TPRA1: variants seen among roughly 807,000 people sequenced by gnomAD.
TPRA1 encodes the protein transmembrane protein adipocyte-associated 1.
Under a neutral mutation model 40.1 loss-of-function variants are expected in TPRA1, and 28 were observed. The ratio of observed to expected loss-of-function variants is 0.70; its 90% CI spans 0.52 to 0.96. The LOEUF (loss-of-function observed/expected upper bound fraction) is 0.96. Among genes scored for constraint, TPRA1 ranks in the 40% least tolerant of loss-of-function variants. The probability of loss-of-function intolerance (pLI) is 0.00; values close to 1 mark genes in which losing one functional copy is unlikely to be tolerated. For missense variants in TPRA1, 441 were observed against 482.6 expected, an observed-to-expected ratio of 0.91 and a Z score of 0.81; for synonymous variants, 219 against 209.7, an observed-to-expected ratio of 1.04 and a Z score of -0.38.
intron 1 of TPRA1, among the ~76,000 whole-genome samples, chr3:127,590,069 C>T (rs150138313): frequency 6.6e-6 from 1 of 152,318 alleles, no homozygotes; most frequent in Non-Finnish European, 1.5e-5. Context: ...GGCTGGAGCC[C>T]GTGCCGCCAC....
rs2073649798 is a variant in TPRA1 at position 127,576,832 on chromosome 3, C to A, written c.407G>T (p.Gly136Val). 32 of 1,613,820 alleles carry A rather than the reference C, an allele frequency of 2.0e-5. No homozygotes were observed. The highest frequency in any genetic ancestry group is 2.7e-5 in the Non-Finnish European group (32 of 1,180,018). ...LAIELSVIIL[G>V]LAFGHLESKS... ...AGCGGTACACACACCAAAGGCCAGGCCCAGGATGATCACACTCAGCTCGAT... is the reference window on the plus strand; with the variant it reads ...AGCGGTACACACACCAAAGGCCAGGACCAGGATGATCACACTCAGCTCGAT... Residue 136 changes from glycine to valine, a missense_variant, in exon 5 of 11, where the codon GGC (glycine) becomes GTC (valine). Physicochemically the swap from Gly to Val is moderately radical, Grantham distance 109. Coordinates refer to ENST00000355552, the MANE Select transcript of TPRA1 (RefSeq NM_001136053.4). The surrounding 1 kb of genome is among the most constrained non-coding windows in gnomAD (Gnocchi z 4.6).
chr3:127,586,161 C>T (rs963059833), intron 1 of TPRA1, among the ~76,000 whole-genome samples: 1 of 152,272 alleles, frequency 6.6e-6, no homozygotes, highest in Admixed American at 6.5e-5. Flanking sequence ...TCTTCCTGCA[C>T]CCCTGGAGGA....
rs2107613197 is a variant in TPRA1, at chr3:127,572,844, C to T, written c.*677G>A. On this transcript the variant is annotated 3_prime_UTR_variant, in exon 11 of 11. Coordinates refer to ENST00000355552, the MANE Select transcript of TPRA1 (RefSeq NM_001136053.4). ...GGCTCACAAAACATAGTTCTCCTCT[C>T]TCTCCATGTCTGTCCCCCCTACTCA... Among the ~76,000 whole-genome samples, 1 of 152,340 alleles carries T rather than the reference C, an allele frequency of 6.6e-6. No homozygotes were observed. The highest frequency in any genetic ancestry group is 1.5e-5 in the Non-Finnish European group (1 of 68,038).
intron 1 of TPRA1, among the ~76,000 whole-genome samples, chr3:127,589,006 G>A (rs2074084296): frequency 6.6e-6 from 1 of 152,152 alleles, no homozygotes; most frequent in Admixed American, 6.5e-5. Flanking sequence ...GTGAGAAGGG[G>A]TGGAGCCCAG....
Position 127,573,282 on chromosome 3 carries a change from C to T in TPRA1, c.*239G>A, listed in dbSNP as rs767547875. Reference sequence around the variant, plus strand: ...CATGGCCCTGGAAGGAAAGCCTGGGCCATGTCACTGAGCAGTATGAGAGCA... The same window carrying T: ...CATGGCCCTGGAAGGAAAGCCTGGGTCATGTCACTGAGCAGTATGAGAGCA... On this transcript the variant is annotated 3_prime_UTR_variant, in exon 11 of 11. Transcript: ENST00000355552. 1.4e-4 allele frequency: 64 copies of T among 474,038 alleles called. No individual in the cohort carries two copies. Among genetic ancestry groups the T allele is most frequent in the Middle Eastern group, 5.5e-4 (1 of 1,814 alleles). 29.4% of individuals were successfully genotyped at this position (474,038 alleles called of 1,614,324 possible). A position where few individuals can be genotyped will look rare whatever the true frequency, so the allele number is the denominator to read the frequency against.
chr3:127,577,788 T>C (rs1407128799), intron 3 of TPRA1, among the ~76,000 whole-genome samples: 3 of 152,174 alleles, frequency 2.0e-5, no homozygotes, highest in Non-Finnish European at 4.4e-5. Flanking sequence ...GCTTCAGGGA[T>C]GGGCCTGGGA....
chr3:127,573,170 G>T lies in TPRA1; in HGVS notation c.*351C>A. On this transcript the variant is annotated 3_prime_UTR_variant, in exon 11 of 11. Transcript: ENST00000355552. ...CTTTGAGGAGGCCAAAGCACCATGG[G>T]GATGGGATGGAGGCATTGGGAGAGC... 4.4e-6 allele frequency: 1 copy of T among 228,964 alleles called. No individual in the cohort carries two copies. Among genetic ancestry groups the T allele is most frequent in the East Asian group, 8.7e-5 (1 of 11,542 alleles). The allele number at this position is 228,964 out of a possible 1,614,324, so 14.2% of individuals were successfully genotyped here.
rs577112375 is a variant in TPRA1 at position 127,572,019 on chromosome 3, C to T, written c.*1502G>A. On this transcript the variant is annotated 3_prime_UTR_variant, in exon 11 of 11. Transcript: ENST00000355552. ...GCCGTGAGCTTGCCTTCCCTGATTA[C>T]CAGGCTTTTACATGAGCTGAGAGGC... Among the ~76,000 whole-genome samples, 44 of 152,274 alleles carry T rather than the reference C, an allele frequency of 2.9e-4. No individual in the cohort carries two copies. In the South Asian group the frequency reaches 5.4e-3, roughly 19 times the overall value.
chr3:127,577,035 T>C lies in TPRA1; in HGVS notation c.300A>G (p.Val100=). The change falls in exon 4 of 11, where the codon GTA becomes GTG. Residue 100 remains valine (V), a synonymous_variant. Coordinates refer to ENST00000355552, the MANE Select transcript of TPRA1 (RefSeq NM_001136053.4). ...VALVGIARAV[V]SMTVSTSNAA... ...CGTTCGAGGTGCTCACCGTCATGGA[T>C]ACCACGGCCCGGGCAATGCCCACCA... 1 of 1,613,672 alleles carries C rather than the reference T, an allele frequency of 6.2e-7. No individual in the cohort carries two copies. Among genetic ancestry groups the C allele is most frequent in the Admixed American group, 1.7e-5 (1 of 60,032 alleles).
At chr3:127,577,770 C>T (rs372166748) in intron 3 of TPRA1, among the ~76,000 whole-genome samples, 34 of 152,318 alleles carry the variant, frequency 2.2e-4, no homozygotes, top group African/African-American at 7.5e-4. Flanking sequence ...CTGAGTCCAC[C>T]GCTCCTGGCT....
intron 1 of TPRA1, among the ~76,000 whole-genome samples, chr3:127,590,172 C>G (rs964823802): frequency 6.6e-6 from 1 of 152,164 alleles, no homozygotes. Flanking sequence ...GGCTCCCTCC[C>G]GGGCCTCGCG....
At chr3:127,584,905 G>A (rs1028903004) in intron 1 of TPRA1, among the ~76,000 whole-genome samples, 37 of 152,068 alleles carry the variant, frequency 2.4e-4, no homozygotes, top group Non-Finnish European at 5.9e-5. Flanking sequence ...CTCCCTTCCC[G>A]GTGGCTGGAA....
rs554461988 is a variant in TPRA1, at chr3:127,588,385, G to A, written c.-18+2025C>T. Among the ~76,000 whole-genome samples the A allele has an allele frequency of 7.3e-5, 11 of 151,010 alleles. No homozygotes were observed. The South Asian group carries it at 1.5e-3, about 20-fold the overall frequency. On this transcript the variant is annotated intron_variant, in intron 1 of 10. Coordinates refer to ENST00000355552, the MANE Select transcript of TPRA1 (RefSeq NM_001136053.4). The stretch of plus-strand genomic sequence containing the variant: ...CTGGCCATACCAGGATTGCCATTAC[G>A]TATCAAAGCTTAGGAAATAACTGAA...
chr3:127,576,607 A>C lies in TPRA1; in HGVS notation c.498+10T>G. ...CTCCTAGCGTCCCCTGCCCACACTC[A>C]CCCTCTTACCTGGGTGACAGAGTAG... is the stretch of plus-strand genomic sequence containing the variant. On this transcript the variant is annotated intron_variant, in intron 6 of 10. Transcript: ENST00000355552. The surrounding 1 kb of genome is among the most constrained non-coding windows in gnomAD (Gnocchi z 4.6). 1 of 1,590,908 alleles carries C rather than the reference A, an allele frequency of 6.3e-7. No homozygotes were observed. Among genetic ancestry groups the C allele is most frequent in the Non-Finnish European group, 8.6e-7 (1 of 1,167,842 alleles).
intron 1 of TPRA1, among the ~76,000 whole-genome samples, chr3:127,582,657 G>A (rs890415585): frequency 2.1e-4 from 31 of 145,416 alleles, no homozygotes; most frequent in Non-Finnish European, 3.3e-4. Flanking sequence ...AGCTGAGATC[G>A]TGCCACTGCA....
At chr3:127,574,872 G>A in intron 10 of TPRA1, 1 of 436,944 alleles carries the variant, frequency 2.3e-6, no homozygotes, top group Admixed American at 3.9e-5. Flanking sequence ...ATGTGGGTGT[G>A]CACGTGCATG....
chr3:127,587,101 C>G (rs2074024895), intron 1 of TPRA1: 1 of 152,130 alleles, frequency 6.6e-6, no homozygotes, highest in Non-Finnish European at 1.5e-5. Context: ...ATCACCCTGG[C>G]CAATGAAAAT....
At chr3:127,577,307 G>T (rs777966557) in intron 3 of TPRA1, among the ~76,000 whole-genome samples, 5 of 152,186 alleles carry the variant, frequency 3.3e-5, no homozygotes, top group Non-Finnish European at 7.3e-5. Flanking sequence ...TCCCTCTCGG[G>T]GCCCCAGCTT....
chr3:127,582,092 T>C (rs1478916474), intron 1 of TPRA1, among the ~76,000 whole-genome samples: 2 of 151,932 alleles, frequency 1.3e-5, no homozygotes, highest in East Asian at 1.9e-4. Flanking sequence ...CCCTGAACAA[T>C]AGCAGCCCAA....
Sources: allele counts gnomAD v4.1 joint callset (sites outside exome capture counted in the v4.1 genomes callset), GRCh38; gene constraint gnomAD v4.1.1; non-coding constraint Gnocchi (gnomAD v3.1); transcripts MANE v1.5; gene names NCBI Gene and HGNC (gene_info 2026-07-23, HGNC 2026-07-21).